The following EIPR1 variants were observed in gnomAD, a reference collection of about 807,000 sequenced individuals.
The protein encoded by EIPR1 is EARP and GARP complex-interacting protein 1.
EIPR1 carries 25 observed loss-of-function variants against 48.1 expected under a neutral mutation model. That is an observed-to-expected ratio of 0.52 (90% CI 0.38 to 0.73). EIPR1 has a LOEUF of 0.73. Among genes scored for constraint, EIPR1 ranks in the 30% least tolerant of loss-of-function variants. EIPR1 has a pLI of 0.00. For synonymous variants in EIPR1, 204 were observed against 201.9 expected (o/e 1.01, Z -0.09); for missense variants, 415 against 506.2 (o/e 0.82, Z 1.73).
At chr2:3,319,642 G>A (rs895131808) in intron 3 of EIPR1, 8 of 170,470 alleles carry the variant, frequency 4.7e-5, no homozygotes, top group Non-Finnish European at 9.9e-5. Context: ...TGTCCACCAC[G>A]CCCGGTGTGC....
intron 3 of EIPR1, among the ~76,000 whole-genome samples, chr2:3,282,200 A>G (rs908972880): frequency 8.5e-5 from 13 of 152,230 alleles, no homozygotes; most frequent in African/African-American, 3.1e-4. Flanking sequence ...TGGTGTCGGC[A>G]ACCATCACCA....
At chr2:3,298,923 T>C (rs181246813) in intron 3 of EIPR1, among the ~76,000 whole-genome samples, 3 of 152,168 alleles carry the variant, frequency 2.0e-5, no homozygotes, top group East Asian at 1.9e-4. Flanking sequence ...TCTGACTCGG[T>C]GTTAACTTCT....
At chr2:3,319,204 A>G in intron 3 of EIPR1, 1 of 330,660 alleles carries the variant, frequency 3.0e-6, no homozygotes, top group Non-Finnish European at 6.0e-6. Context: ...AACAAGGCGT[A>G]TTTACAAAAT....
chr2:3,298,108 C>T (rs1408481599), intron 3 of EIPR1, among the ~76,000 whole-genome samples: 2 of 152,324 alleles, frequency 1.3e-5, no homozygotes, highest in East Asian at 1.9e-4. Context: ...TAATGCTATA[C>T]ATTTCCTGCT....
chr2:3,285,665 C>T (rs997826801), intron 3 of EIPR1, among the ~76,000 whole-genome samples: 2 of 150,500 alleles, frequency 1.3e-5, no homozygotes, highest in South Asian at 2.1e-4. Context: ...CCGATGTCTC[C>T]GGGACCCTCG....
intron 3 of EIPR1, among the ~76,000 whole-genome samples, chr2:3,310,542 A>G (rs1297753101): frequency 1.4e-5 from 2 of 145,728 alleles, no homozygotes; most frequent in Non-Finnish European, 3.0e-5. Flanking sequence ...AGTCCCAGCT[A>G]CTTGGGAGGC....
chr2:3,306,665 G>A (rs534524754), intron 3 of EIPR1, among the ~76,000 whole-genome samples: 16 of 152,228 alleles, frequency 1.1e-4, no homozygotes, highest in Non-Finnish European at 2.2e-4. Flanking sequence ...TCATAAGGAA[G>A]AGAAAATATA....
At chr2:3,191,777 T>C (rs1664614114) in intron 8 of EIPR1, among the ~76,000 whole-genome samples, 1 of 152,196 alleles carries the variant, frequency 6.6e-6, no homozygotes. Context: ...GAGGCTGCCC[T>C]TAGCGATCTC....
intron 3 of EIPR1, among the ~76,000 whole-genome samples, chr2:3,273,912 A>G (rs1667771507): frequency 6.6e-6 from 1 of 152,236 alleles, no homozygotes; most frequent in Non-Finnish European, 1.5e-5. Context: ...ATGTTCGAAG[A>G]AATAAAAGCT....
chr2:3,240,687 C>T (rs1666584742), intron 4 of EIPR1, among the ~76,000 whole-genome samples: 3 of 16,238 alleles, frequency 1.8e-4, no homozygotes, highest in East Asian at 3.3e-3. Flanking sequence ...GAGCAGGTCC[C>T]TCCTAAAGCA....
At chr2:3,200,954 G>A (rs1260613002) in intron 5 of EIPR1, among the ~76,000 whole-genome samples, 10 of 152,312 alleles carry the variant, frequency 6.6e-5, no homozygotes, top group Admixed American at 2.0e-4. Flanking sequence ...CACTCCGCAT[G>A]GTGACGGCAG....
chr2:3,214,464 G>T, intron 4 of EIPR1: 1 of 449,170 alleles, frequency 2.2e-6, no homozygotes, highest in Non-Finnish European at 4.0e-6. Context: ...AGATTCATGT[G>T]TGGAAGTCCT....
At chr2:3,295,517 C>A (rs1668539146) in intron 3 of EIPR1, among the ~76,000 whole-genome samples, 3 of 124,454 alleles carry the variant, frequency 2.4e-5, no homozygotes, top group Non-Finnish European at 5.0e-5. Context: ...ACCCTCCATC[C>A]AGCCCATCGT....
chr2:3,304,861 G>GTCCAGTTCAGCCCTCCAGTC (rs1668875775), intron 3 of EIPR1, among the ~76,000 whole-genome samples: 1 of 25,906 alleles, frequency 3.9e-5, no homozygotes, highest in African/African-American at 1.6e-4. Context: ...GCCCTCCACT[G>GTCCAGTTCAGCCCTCCAGTC]CCATCCAGTT....
chr2:3,252,332 T>G (rs1156673372), intron 4 of EIPR1, among the ~76,000 whole-genome samples: 1 of 152,094 alleles, frequency 6.6e-6, no homozygotes, highest in African/African-American at 2.4e-5. Flanking sequence ...AGCTCACACC[T>G]GTAATCTCAG....
At chr2:3,246,807 G>C (rs1274511739) in intron 4 of EIPR1, among the ~76,000 whole-genome samples, 7 of 59,660 alleles carry the variant, frequency 1.2e-4, no homozygotes. Flanking sequence ...GAGGGAGGCA[G>C]GGAGGGAGGG....
intron 3 of EIPR1, among the ~76,000 whole-genome samples, chr2:3,322,144 G>T (rs1669550665): frequency 6.6e-6 from 1 of 152,200 alleles, no homozygotes; most frequent in Admixed American, 6.5e-5. Context: ...GGTCAGCACG[G>T]TCCTCCCCTG....
intron 4 of EIPR1, among the ~76,000 whole-genome samples, chr2:3,253,283 C>T (rs972522633): frequency 5.3e-5 from 8 of 152,306 alleles, no homozygotes; most frequent in African/African-American, 1.4e-4. Flanking sequence ...TGGACCAAAC[C>T]CATGTATTTC....
At chr2:3,303,613 G>A (rs561045440) in intron 3 of EIPR1, among the ~76,000 whole-genome samples, 1 of 152,350 alleles carries the variant, frequency 6.6e-6, no homozygotes, top group East Asian at 1.9e-4. Context: ...ATTGGGAAAT[G>A]CGACTAATAA....
Sources: gnomAD v4.1 joint callset for allele counts (sites outside exome capture counted in the v4.1 genomes callset) on GRCh38, gnomAD v4.1.1 for gene constraint, MANE v1.5 for transcripts, NCBI Gene and HGNC (gene_info 2026-07-23, HGNC 2026-07-21) for gene names.